Variants in NUMB observed in about 807,000 individuals in gnomAD.
NUMB encodes the protein protein numb homolog.
In NUMB, 29 loss-of-function variants were observed where a neutral mutation model predicts 59.7. The ratio of observed to expected loss-of-function variants is 0.49; its 90% CI spans 0.36 to 0.66. The LOEUF is 0.66. Among genes scored for constraint, NUMB ranks in the 30% least tolerant of loss-of-function variants. The pLI, the probability that NUMB is intolerant of heterozygous loss-of-function variation, is 0.00. For missense variants in NUMB, 723 were observed against 822.0 expected (o/e 0.88, Z 1.47); for synonymous variants, 288 against 288.2 (o/e 1.00, Z 0.01).
rs1181523570 is a variant in NUMB, at chr14:73,284,196, T to C, written c.834A>G (p.Arg278=). Residue 278 remains arginine (R), a synonymous_variant, in exon 10 of 13, where the codon CGA becomes CGG. Transcript: ENST00000555238. ...IEQLARQGSF[R]GFPALSQKMS... The stretch of plus-strand genomic sequence containing the variant: ...TCTTCTGGCTAAGAGCAGGAAAACC[T>C]CGGAAAGAGCCTTGGCGAGCAAGCT... 6.2e-7 allele frequency: 1 copy of C among 1,614,138 alleles called. No individual in the cohort carries two copies. The highest frequency in any genetic ancestry group is 1.1e-5 in the South Asian group (1 of 91,076).
intron 4 of NUMB, among the ~76,000 whole-genome samples, chr14:73,342,206 T>C (rs1892672472): frequency 6.6e-6 from 1 of 152,236 alleles, no homozygotes; most frequent in Non-Finnish European, 1.5e-5. Context: ...CCCATTTCTT[T>C]AAATTTGTAT....
chr14:73,437,694 T>C (rs1340489836), intron 1 of NUMB, among the ~76,000 whole-genome samples: 1 of 152,228 alleles, frequency 6.6e-6, no homozygotes, highest in Non-Finnish European at 1.5e-5. Context: ...ATGGAATGAT[T>C]CCATTTACAT....
Position 73,277,061 on chromosome 14 carries a change from C to T in NUMB, c.1473G>A (p.Gln491=), listed in dbSNP as rs1181283759. ...PFQGNAFLTS[Q]PVPVGVVPAL... is the part of the protein sequence containing the mutation. Reference sequence around the variant, plus strand: ...CTGGGACCACACCCACTGGCACAGGCTGAGAGGTGAGGAATGCATTCCCTT... The same window carrying T: ...CTGGGACCACACCCACTGGCACAGGTTGAGAGGTGAGGAATGCATTCCCTT... The change falls in exon 13 of 13, where the codon CAG becomes CAA. Residue 491 remains glutamine (Q), a synonymous_variant. Transcript: ENST00000555238. 2 of 1,613,946 alleles carry T rather than the reference C, an allele frequency of 1.2e-6. No individual in the cohort carries two copies. The highest frequency in any genetic ancestry group is 2.7e-5 in the African/African-American group (2 of 74,888).
chr14:73,368,046 A>T (rs1484260414), intron 2 of NUMB, among the ~76,000 whole-genome samples: 2 of 79,252 alleles, frequency 2.5e-5, no homozygotes, highest in Non-Finnish European at 2.4e-5. Context: ...AAAGTGTTTA[A>T]AAAAAAAAAA....
chr14:73,349,579 A>G (rs182099802), intron 4 of NUMB, among the ~76,000 whole-genome samples: 493 of 10,264 alleles, frequency 0.048, 4 homozygotes, highest in African/African-American at 0.12. Context: ...CATCTCAAGA[A>G]AAAAAAAAAA....
At chr14:73,320,849 G>A (rs1208815593) in intron 5 of NUMB, among the ~76,000 whole-genome samples, 2 of 148,524 alleles carry the variant, frequency 1.3e-5, no homozygotes, top group Non-Finnish European at 3.0e-5. Flanking sequence ...AAGCAATCAC[G>A]CCTATTATCT....
chr14:73,319,129 G>T (rs1479194317), intron 5 of NUMB, among the ~76,000 whole-genome samples: 1 of 152,118 alleles, frequency 6.6e-6, no homozygotes, highest in Non-Finnish European at 1.5e-5. Flanking sequence ...TGAGTGTGGT[G>T]GTGGGCGCCT....
At chr14:73,400,185 T>C (rs976449478) in intron 2 of NUMB, among the ~76,000 whole-genome samples, 3 of 152,176 alleles carry the variant, frequency 2.0e-5, no homozygotes, top group Non-Finnish European at 2.9e-5. Context: ...AGGCTACATA[T>C]ACCATATGAT....
rs1896835747 is a variant in NUMB at position 73,410,035 on chromosome 14, C to T, written c.-199G>A. ...AATTGTAACAGTGGCTGCACTGGCA[C>T]TCTTCCCCGGAAGAAGTTGCTTAAG... On this transcript the variant is annotated 5_prime_UTR_variant, in exon 2 of 13. The change creates a new upstream start codon in the 5' untranslated region. Transcript: ENST00000555238. 6.6e-6 allele frequency: 1 copy of T among 152,230 alleles called. No homozygotes were observed. Among genetic ancestry groups the T allele is most frequent in the South Asian group, 2.1e-4 (1 of 4,836 alleles). 9.4% of individuals were successfully genotyped at this position (152,230 alleles called of 1,614,324 possible).
intron 4 of NUMB, among the ~76,000 whole-genome samples, chr14:73,352,515 TA>T (rs1893430806): frequency 1.6e-4 from 4 of 24,326 alleles, no homozygotes; most frequent in Non-Finnish European, 3.1e-4. Context: ...TATATATATA[TA>T]TATATATATA....
chr14:73,364,294 AG>A lies in NUMB; in HGVS notation c.-16+2602del, dbSNP rs371639650. ...AACTTGAGGCGGATAACCTGAGGTC[AG>A]GAGTTCGAGACCAGCCTGGCCAACA... On this transcript the variant is annotated intron_variant, in intron 3 of 12. Transcript: ENST00000555238. Among the ~76,000 whole-genome samples, 62 of 152,252 alleles carry A rather than the reference AG, an allele frequency of 4.1e-4. 1 individual carries two copies. Among genetic ancestry groups the A allele is most frequent in the African/African-American group, 1.4e-3 (60 of 41,562 alleles).
At chr14:73,388,185 G>A (rs1461310815) in intron 2 of NUMB, among the ~76,000 whole-genome samples, 1 of 152,098 alleles carries the variant, frequency 6.6e-6, no homozygotes, top group Non-Finnish European at 1.5e-5. Context: ...TACCATATTG[G>A]ATAGCATAAA....
rs538230348 is a variant in NUMB, at chr14:73,351,299, C to T, written c.126+4327G>A. On this transcript the variant is annotated intron_variant, in intron 4 of 12. Coordinates refer to ENST00000555238, the MANE Select transcript of NUMB (RefSeq NM_001005743.2). The stretch of plus-strand genomic sequence containing the variant: ...CAATCCTGGCCAACATGGTGAAACC[C>T]TGTCTCTACTAAAAATACAAAAATT... 2.1e-4 allele frequency among the ~76,000 whole-genome samples: 32 copies of T among 152,152 alleles called. No individual in the cohort carries two copies. The East Asian group carries it at 6.2e-3, about 30-fold the overall frequency.
intron 2 of NUMB, among the ~76,000 whole-genome samples, chr14:73,383,436 C>T (rs1180818150): frequency 1.3e-5 from 2 of 151,324 alleles, no homozygotes; most frequent in African/African-American, 4.9e-5. Flanking sequence ...AGATGGAGCA[C>T]AAAGAAAAAG....
rs141579210 is a variant in NUMB, at chr14:73,286,556, T to C, written c.655+554A>G. 1,061 of 154,994 alleles carry C rather than the reference T, an allele frequency of 6.8e-3. 4 individuals are homozygous for C. The highest frequency in any genetic ancestry group is 0.029 in the South Asian group (152 of 5,240). 9.6% of individuals were successfully genotyped at this position (154,994 alleles called of 1,614,324 possible). A position where few individuals can be genotyped will look rare whatever the true frequency, so the allele number is the denominator to read the frequency against. On this transcript the variant is annotated intron_variant, in intron 9 of 12. Coordinates refer to ENST00000555238, the MANE Select transcript of NUMB (RefSeq NM_001005743.2). The stretch of plus-strand genomic sequence containing the variant: ...GTGTACCTAAATAAAACTCACACTC[T>C]ATAAAATCACACACTAAATTAAATT...
intron 4 of NUMB, among the ~76,000 whole-genome samples, chr14:73,346,993 T>C (rs1317047756): frequency 1.3e-5 from 2 of 152,214 alleles, no homozygotes; most frequent in African/African-American, 4.8e-5. Context: ...ACAGGTGATT[T>C]ATTAACTTTG....
chr14:73,384,885 TG>T (rs1316680564), intron 2 of NUMB, among the ~76,000 whole-genome samples: 2 of 146,574 alleles, frequency 1.4e-5, no homozygotes, highest in Non-Finnish European at 3.0e-5. Context: ...GCCAAATAAC[TG>T]TAATTTTTTT....
chr14:73,330,388 T>C (rs537373898), intron 4 of NUMB, among the ~76,000 whole-genome samples: 1 of 152,280 alleles, frequency 6.6e-6, no homozygotes, highest in South Asian at 2.1e-4. Flanking sequence ...TCCATATATA[T>C]ATTTTTTTCA....
chr14:73,392,221 A>G (rs1895888785), intron 2 of NUMB, among the ~76,000 whole-genome samples: 2 of 152,242 alleles, frequency 1.3e-5, no homozygotes, highest in South Asian at 4.1e-4. Flanking sequence ...GGATCAAAGT[A>G]AAAGCCCCTG....
Sources: allele counts gnomAD v4.1 joint callset (sites outside exome capture counted in the v4.1 genomes callset), GRCh38; gene constraint gnomAD v4.1.1; transcripts MANE v1.5; gene names NCBI Gene and HGNC (gene_info 2026-07-23, HGNC 2026-07-21).